The following ZFHX3 variants were observed in gnomAD, a reference collection of about 807,000 sequenced individuals.
The protein encoded by ZFHX3 is zinc finger homeobox 3.
ZFHX3 carries 42 observed loss-of-function variants against 279.1 expected under a neutral mutation model. The observed-to-expected ratio is 0.15, with a 90% CI of 0.12 to 0.19. ZFHX3 has a LOEUF of 0.19. Ranked by LOEUF, ZFHX3 falls within the 10% of genes least tolerant of loss-of-function variation. ZFHX3 has a pLI of 1.00. For missense variants in ZFHX3, 4,981 were observed against 4,754.0 expected (o/e 1.05, Z -1.40); for synonymous variants, 2,293 against 1,957.8 (o/e 1.17, Z -4.52).
intron 1 of ZFHX3, among the ~76,000 whole-genome samples, chr16:73,042,446 A>C (rs1965153088): frequency 6.6e-6 from 1 of 152,190 alleles, no homozygotes; most frequent in African/African-American, 2.4e-5. Flanking sequence ...GGATGGAGTC[A>C]GGAACAACCA....
chr16:73,355,828 T>C (rs1045823932), intron 3 of ZFHX3, among the ~76,000 whole-genome samples: 1 of 152,146 alleles, frequency 6.6e-6, no homozygotes, highest in Non-Finnish European at 1.5e-5. Context: ...AGCGCGACGG[T>C]ACCAAGCATA....
intron 3 of ZFHX3, among the ~76,000 whole-genome samples, chr16:72,909,837 C>T (rs2039273842): frequency 7.3e-6 from 1 of 137,314 alleles, no homozygotes; most frequent in South Asian, 2.3e-4. Context: ...AAGATCGTGC[C>T]ACTGCACTCT....
chr16:73,436,967 C>T (rs1490103363), intron 3 of ZFHX3, among the ~76,000 whole-genome samples: 4 of 152,180 alleles, frequency 2.6e-5, no homozygotes, highest in Non-Finnish European at 5.9e-5. Context: ...TCAAGCTGGT[C>T]TTGCTTCTCT....
intron 3 of ZFHX3, among the ~76,000 whole-genome samples, chr16:72,900,136 C>CAAAAA (rs10669734): frequency 0.045 from 2,846 of 62,960 alleles, 76 homozygotes; most frequent in South Asian, 0.075. Context: ...ATGCCCTTGC[C>CAAAAA]AAAAAAAAAA....
At chr16:73,496,785 G>C (rs1198874184) in intron 2 of ZFHX3, among the ~76,000 whole-genome samples, 3 of 152,128 alleles carry the variant, frequency 2.0e-5, no homozygotes, top group Non-Finnish European at 4.4e-5. Flanking sequence ...CAAATGGGAG[G>C]CACTGGGAGG....
At chr16:73,277,829 G>T (rs1330541237) in intron 4 of ZFHX3, among the ~76,000 whole-genome samples, 1 of 152,144 alleles carries the variant, frequency 6.6e-6, no homozygotes, top group African/African-American at 2.4e-5. Flanking sequence ...GGCTTCTGTG[G>T]AGGCCTCAAG....
chr16:72,888,576 C>T (rs1041741696), intron 4 of ZFHX3, among the ~76,000 whole-genome samples: 2 of 152,192 alleles, frequency 1.3e-5, no homozygotes, highest in Non-Finnish European at 2.9e-5. Flanking sequence ...CTGAGAACCA[C>T]CAGCCAGAGT....
chr16:73,775,684 C>T (rs1055159388), intron 1 of ZFHX3, among the ~76,000 whole-genome samples: 4 of 152,154 alleles, frequency 2.6e-5, no homozygotes, highest in Non-Finnish European at 5.9e-5. Flanking sequence ...TTCGGCTCTA[C>T]CTTACCCCAG....
intron 4 of ZFHX3, among the ~76,000 whole-genome samples, chr16:73,262,482 C>T (rs1308863079): frequency 6.6e-6 from 1 of 152,184 alleles, no homozygotes; most frequent in Admixed American, 6.5e-5. Flanking sequence ...TATTCAACCT[C>T]TATCTGCCTC....
chr16:72,796,955 C>T lies in ZFHX3; in HGVS notation c.5727G>A (p.Leu1909=), dbSNP rs765292538. ...TCTCTTTGGCCTTCAAGGCATCTGGCAGTGTTTCCTTCGGACCGGTGTTGC... is the reference window on the plus strand; with the variant it reads ...TCTCTTTGGCCTTCAAGGCATCTGGTAGTGTTTCCTTCGGACCGGTGTTGC... The part of the protein sequence containing the change: ...GEGNTGPKET[L]PDALKAKEKK... Residue 1909 remains leucine, a synonymous_variant, in exon 9 of 10, where the codon CTG becomes CTA. Transcript: ENST00000268489. 4 of 1,614,032 alleles carry T rather than the reference C, an allele frequency of 2.5e-6. No individual in the cohort carries two copies. The South Asian group carries it at 4.4e-5, about 18-fold the overall frequency.
intron 2 of ZFHX3, among the ~76,000 whole-genome samples, chr16:73,592,283 C>T (rs964708433): frequency 6.6e-6 from 1 of 152,034 alleles, no homozygotes; most frequent in Non-Finnish European, 1.5e-5. Flanking sequence ...AGAAGTTCTT[C>T]GCTTTTGCAG....
At chr16:73,433,101 A>T (rs1291324421) in intron 3 of ZFHX3, among the ~76,000 whole-genome samples, 7 of 152,118 alleles carry the variant, frequency 4.6e-5, no homozygotes, top group Admixed American at 4.6e-4. Context: ...GATGGAAGGG[A>T]CAGGCAGGAC....
At position 72,995,216 on chromosome 16, in the gene ZFHX3, A is replaced by G. The variant is rs546517816; in HGVS notation, c.-49-35022T>C. ...GGCACGCTTTATCCTTGAGGAAAAT[A>G]ATAAATGTCGAGTCCTAATGGCATG... On this transcript the variant is annotated intron_variant, in intron 1 of 9. Transcript: ENST00000268489. Among the ~76,000 whole-genome samples, 39 of 152,304 alleles carry G rather than the reference A, an allele frequency of 2.6e-4. No homozygotes were observed. The South Asian group carries it at 7.7e-3, about 30-fold the overall frequency.
chr16:73,177,336 C>G (rs1967687555), intron 5 of ZFHX3, among the ~76,000 whole-genome samples: 1 of 152,118 alleles, frequency 6.6e-6, no homozygotes, highest in African/African-American at 2.4e-5. Context: ...TGGAAATGAA[C>G]TTTCTAGAAT....
At chr16:73,317,977 GC>G (rs898000975) in intron 4 of ZFHX3, among the ~76,000 whole-genome samples, 7 of 152,112 alleles carry the variant, frequency 4.6e-5, no homozygotes, top group African/African-American at 1.7e-4. Context: ...TTACAATGAA[GC>G]AAAAGCATCC....
At chr16:73,800,857 G>A (rs548951276) in intron 1 of ZFHX3, among the ~76,000 whole-genome samples, 60 of 152,282 alleles carry the variant, frequency 3.9e-4, no homozygotes, top group African/African-American at 1.3e-3. Flanking sequence ...AGCAGGCCAC[G>A]GGGAAGGGAC....
intron 1 of ZFHX3, among the ~76,000 whole-genome samples, chr16:73,808,150 C>G (rs1960333639): frequency 6.6e-6 from 1 of 152,090 alleles, no homozygotes; most frequent in Non-Finnish European, 1.5e-5. Context: ...CCTGGGAACA[C>G]TCCATGATGA....
intron 1 of ZFHX3, among the ~76,000 whole-genome samples, chr16:73,683,894 T>C (rs1307603325): frequency 6.6e-6 from 1 of 152,230 alleles, no homozygotes; most frequent in East Asian, 1.9e-4. Flanking sequence ...TAAAGGGCCA[T>C]GTAGTAATAT....
At chr16:73,158,181 G>A (rs569893217) in intron 5 of ZFHX3, among the ~76,000 whole-genome samples, 4 of 152,254 alleles carry the variant, frequency 2.6e-5, no homozygotes, top group Admixed American at 6.5e-5. Flanking sequence ...AGCAGCCCCG[G>A]CATTTACCAC....
Sources: gnomAD v4.1 joint callset for allele counts (sites outside exome capture counted in the v4.1 genomes callset) on GRCh38, gnomAD v4.1.1 for gene constraint, MANE v1.5 for transcripts, NCBI Gene and HGNC (gene_info 2026-07-23, HGNC 2026-07-21) for gene names.